The following MTFR1 variants were observed in gnomAD, a reference collection of about 807,000 sequenced individuals.
MTFR1 encodes the protein mitochondrial fission regulator 1, also known as chondrocyte protein with a poly-proline region.
A neutral mutation model predicts 38.8 loss-of-function variants in MTFR1; 28 were observed. The ratio of observed to expected loss-of-function variants is 0.72; its 90% CI spans 0.53 to 0.99. The LOEUF (loss-of-function observed/expected upper bound fraction) is 0.99. Ranked by LOEUF, MTFR1 falls within the 50% of genes least tolerant of loss-of-function variation. MTFR1 has a pLI of 0.00. For missense variants in MTFR1, 358 were observed against 395.5 expected, an observed-to-expected ratio of 0.91 and a Z score of 0.81; for synonymous variants, 145 against 137.0, an observed-to-expected ratio of 1.06 and a Z score of -0.41.
intron 2 of MTFR1, among the ~76,000 whole-genome samples, chr8:65,671,194 T>G (rs1291010493): frequency 1.3e-5 from 2 of 152,144 alleles, no homozygotes; most frequent in Non-Finnish European, 1.5e-5. Context: ...ACTTGTAAAT[T>G]TATTGGTATT....
intron 4 of MTFR1, among the ~76,000 whole-genome samples, chr8:65,696,287 TA>T (rs1274016378): frequency 6.6e-6 from 1 of 152,192 alleles, no homozygotes; most frequent in Admixed American, 6.5e-5. Context: ...GATTAGCAGG[TA>T]AAGAGCCTTT....
chr8:65,692,430 C>T (rs1262914797), intron 3 of MTFR1, among the ~76,000 whole-genome samples: 4 of 152,110 alleles, frequency 2.6e-5, no homozygotes, highest in African/African-American at 4.8e-5. Context: ...TGCCGCCTCC[C>T]GGGTTCAAGT....
chr8:65,706,219 T>G (rs985558432), intron 5 of MTFR1, among the ~76,000 whole-genome samples: 2 of 152,228 alleles, frequency 1.3e-5, no homozygotes, highest in Non-Finnish European at 2.9e-5. Flanking sequence ...TTTTTCCTTT[T>G]GCTTTACCTC....
chr8:65,714,673 C>T (rs149080650), downstream of MTFR1: 15 of 152,080 alleles, frequency 9.9e-5, no homozygotes, highest in African/African-American at 3.6e-4. Context: ...CAGGAGATAC[C>T]GATTGAGGGG....
At chr8:65,700,167 A>G (rs1193680479) in intron 4 of MTFR1, among the ~76,000 whole-genome samples, 1 of 151,930 alleles carries the variant, frequency 6.6e-6, no homozygotes, top group East Asian at 1.9e-4. Flanking sequence ...CCTGGGCAAC[A>G]TGGCAAAACC....
chr8:65,726,973 C>T, intron 3 of MTFR1: 1 of 1,520,868 alleles, frequency 6.6e-7, no homozygotes, highest in Non-Finnish European at 9.1e-7. Flanking sequence ...TATTCTACAA[C>T]AAAGGACGTT....
chr8:65,755,093 T>C (rs1437250720), intron 3 of MTFR1, among the ~76,000 whole-genome samples: 1 of 149,530 alleles, frequency 6.7e-6, no homozygotes, highest in Non-Finnish European at 1.5e-5. Context: ...TGGTTTCGGC[T>C]CACTGTAACG....
At chr8:65,708,909 A>AG in intron 7 of MTFR1, 67 bp from the exon 8 acceptor site, 1 of 1,458,868 alleles carries the variant, frequency 6.9e-7, no homozygotes, top group African/African-American at 1.4e-5. Context: ...CATGATTGGG[A>AG]GGTGGGGGCG....
At chr8:65,740,089 CT>C (rs796622386) in intron 3 of MTFR1, among the ~76,000 whole-genome samples, 2 of 150,424 alleles carry the variant, frequency 1.3e-5, no homozygotes, top group African/African-American at 4.9e-5. Context: ...CATCAATGAC[CT>C]CAAGATCATC....
rs1371078758 is a variant in MTFR1 at position 65,709,667 on chromosome 8, T to C, written c.*623T>C. On this transcript the variant is annotated 3_prime_UTR_variant, in exon 8 of 8. Transcript: ENST00000262146. ...GATGATGTTCACTGCTGAAATTCCA[T>C]AATGCTTCCCATTGAAGGGAAGTTG... is the stretch of plus-strand genomic sequence containing the variant. 6.5e-6 allele frequency: 1 copy of C among 152,714 alleles called. No homozygotes were observed. Among genetic ancestry groups the C allele is most frequent in the Non-Finnish European group, 1.5e-5 (1 of 68,086 alleles). The allele number at this position is 152,714 out of a possible 1,614,324, so 9.5% of individuals were successfully genotyped here. A position where few individuals can be genotyped will look rare whatever the true frequency, so the allele number is the denominator to read the frequency against.
At chr8:65,658,235 T>C (rs1265913579) in intron 1 of MTFR1, among the ~76,000 whole-genome samples, 1 of 152,218 alleles carries the variant, frequency 6.6e-6, no homozygotes, top group African/African-American at 2.4e-5. Context: ...TTTGTAAATT[T>C]TTGGCATCTT....
intron 3 of MTFR1, among the ~76,000 whole-genome samples, chr8:65,746,295 C>A (rs1452714580): frequency 7.2e-5 from 11 of 152,086 alleles, no homozygotes; most frequent in Admixed American, 6.6e-4. Context: ...AACTAACTTG[C>A]TCAGCTATAA....
chr8:65,773,007 C>CA (rs1192687882), downstream of MTFR1, among the ~76,000 whole-genome samples: 22 of 143,498 alleles, frequency 1.5e-4, no homozygotes, highest in East Asian at 4.0e-4. Context: ...GACTCTGTCT[C>CA]AAAAAAAAAA....
intron 3 of MTFR1, among the ~76,000 whole-genome samples, chr8:65,768,384 G>A (rs907061470): frequency 2.0e-5 from 3 of 152,056 alleles, no homozygotes; most frequent in African/African-American, 4.8e-5. Context: ...TGAATCATGG[G>A]GGTGCTAATT....
At chr8:65,645,631 T>G (rs78443566) in intron 1 of MTFR1, among the ~76,000 whole-genome samples, 29,950 of 142,196 alleles carry the variant, frequency 0.21, 3,194 homozygotes, top group Middle Eastern at 0.27. Context: ...GCCCCAGCGA[T>G]CCTCACGCCT....
At chr8:65,655,353 T>C (rs1003931868) in intron 1 of MTFR1, among the ~76,000 whole-genome samples, 4 of 152,348 alleles carry the variant, frequency 2.6e-5, no homozygotes, top group African/African-American at 9.6e-5. Context: ...GGACCTCTTA[T>C]CTTACTAGTT....
intron 5 of MTFR1, among the ~76,000 whole-genome samples, chr8:65,706,384 G>A (rs1805780749): frequency 1.3e-5 from 2 of 152,102 alleles, no homozygotes; most frequent in Non-Finnish European, 2.9e-5. Flanking sequence ...CAGTTATGCA[G>A]AAAGAGGATT....
rs186569852 is a variant in MTFR1, at chr8:65,762,173, C to T, written c.*49-8774C>T. On this transcript the variant is annotated intron_variant, in intron 3 of 3. Transcript: ENST00000521247. ...TCTAGGGCAAGGTCATGTTGAATGGCGCTGGTATTAAAACAAACCTGAAGA... is the reference window on the plus strand; with the variant it reads ...TCTAGGGCAAGGTCATGTTGAATGGTGCTGGTATTAAAACAAACCTGAAGA... Among the ~76,000 whole-genome samples, 266 of 152,222 alleles carry T rather than the reference C, an allele frequency of 1.7e-3. 1 individual carries two copies. Among genetic ancestry groups the T allele is most frequent in the African/African-American group, 5.5e-3 (230 of 41,532 alleles).
chr8:65,747,854 T>C, intron 3 of MTFR1: 1 of 1,232,310 alleles, frequency 8.1e-7, no homozygotes, highest in African/African-American at 1.5e-5. Flanking sequence ...ATTATACACA[T>C]GCTATCTTTG....
Sources: gnomAD v4.1 joint callset for allele counts (sites outside exome capture counted in the v4.1 genomes callset) on GRCh38, gnomAD v4.1.1 for gene constraint, MANE v1.5 for transcripts, NCBI Gene and HGNC (gene_info 2026-07-23, HGNC 2026-07-21) for gene names.